Variants in RBFOX1 observed in about 807,000 individuals in gnomAD.
The protein encoded by RBFOX1 is RNA binding fox-1 homolog 1.
Under a neutral mutation model 57.7 loss-of-function variants are expected in RBFOX1, and 8 were observed. The observed-to-expected ratio is 0.14, with a 90% CI of 0.08 to 0.25. The LOEUF is 0.25. RBFOX1 is among the 10% of genes least tolerant of loss of function. The pLI is 1.00. For synonymous variants in RBFOX1, 326 were observed against 222.4 expected (o/e 1.47, Z -4.15); for missense variants, 611 against 548.5 (o/e 1.11, Z -1.14).
intron 3 of RBFOX1, among the ~76,000 whole-genome samples, chr16:6,866,767 C>G (rs542213495): frequency 6.6e-6 from 1 of 152,048 alleles, no homozygotes; most frequent in Admixed American, 6.5e-5. Context: ...TGGTCTCGAT[C>G]TCCTGACCTC....
intron 4 of RBFOX1, among the ~76,000 whole-genome samples, chr16:7,297,856 A>G (rs1027120553): frequency 3.9e-5 from 6 of 151,974 alleles, no homozygotes; most frequent in African/African-American, 2.4e-5. Flanking sequence ...CCCTAGATCT[A>G]AAAGCATTTA....
intron 1 of RBFOX1, among the ~76,000 whole-genome samples, chr16:6,070,769 C>T (rs534235221): frequency 6.6e-6 from 1 of 152,010 alleles, no homozygotes; most frequent in African/African-American, 2.4e-5. Context: ...CCTCTAGTTT[C>T]CCCAAGAAGT....
chr16:6,791,001 G>A (rs1403929421), intron 3 of RBFOX1, among the ~76,000 whole-genome samples: 1 of 151,978 alleles, frequency 6.6e-6, no homozygotes, highest in African/African-American at 2.4e-5. Flanking sequence ...TGGCTCTCAG[G>A]TTCAGGTAAT....
chr16:7,501,996 A>T (rs1361614105), intron 4 of RBFOX1, among the ~76,000 whole-genome samples: 1 of 152,198 alleles, frequency 6.6e-6, no homozygotes, highest in African/African-American at 2.4e-5. Flanking sequence ...CGTGAGTATC[A>T]TGCTCTTGCC....
At chr16:7,453,953 C>G (rs977583931) in intron 4 of RBFOX1, among the ~76,000 whole-genome samples, 2 of 152,212 alleles carry the variant, frequency 1.3e-5, no homozygotes, top group African/African-American at 4.8e-5. Flanking sequence ...CCATAGCCAG[C>G]TGGGCACAAT....
chr16:5,960,776 C>G (rs148190250), intron 4 of RBFOX1, among the ~76,000 whole-genome samples: 1 of 152,272 alleles, frequency 6.6e-6, no homozygotes, highest in Non-Finnish European at 1.5e-5. Flanking sequence ...CCAAACATCC[C>G]TTTGATTTAA....
chr16:6,589,470 G>A (rs2097679674), intron 2 of RBFOX1, among the ~76,000 whole-genome samples: 1 of 152,130 alleles, frequency 6.6e-6, no homozygotes, highest in South Asian at 2.1e-4. Context: ...TCCTCGGTGG[G>A]GTCCACAGAC....
intron 3 of RBFOX1, among the ~76,000 whole-genome samples, chr16:5,844,363 G>A (rs377133827): frequency 5.9e-5 from 9 of 152,276 alleles, no homozygotes; most frequent in African/African-American, 2.2e-4. Context: ...GTTCTAAAAA[G>A]CCCTGGAATA....
chr16:6,848,405 T>G (rs11639716), intron 3 of RBFOX1, among the ~76,000 whole-genome samples: 30,617 of 151,996 alleles, frequency 0.2, 3,878 homozygotes, highest in Admixed American at 0.35. Context: ...TTTATGAAAA[T>G]GCTTTGCATG....
intron 1 of RBFOX1, among the ~76,000 whole-genome samples, chr16:6,305,481 C>A (rs572904398): frequency 6.6e-6 from 1 of 152,022 alleles, no homozygotes; most frequent in South Asian, 2.1e-4. Flanking sequence ...CACATACTCA[C>A]ATGCATATGT....
intron 3 of RBFOX1, among the ~76,000 whole-genome samples, chr16:6,793,183 C>G (rs1039876245): frequency 2.6e-5 from 4 of 152,078 alleles, no homozygotes; most frequent in Non-Finnish European, 5.9e-5. Context: ...TAATATGATC[C>G]TGTTGATCAA....
At chr16:5,441,030 TC>T (rs2068068767) in intron 1 of RBFOX1, among the ~76,000 whole-genome samples, 1 of 152,126 alleles carries the variant, frequency 6.6e-6, no homozygotes, top group South Asian at 2.1e-4. Context: ...AACAAATTGA[TC>T]GTGAAAATGA....
At chr16:5,526,147 C>G (rs1353780470) in intron 2 of RBFOX1, among the ~76,000 whole-genome samples, 3 of 152,158 alleles carry the variant, frequency 2.0e-5, no homozygotes, top group African/African-American at 7.2e-5. Flanking sequence ...TCGAGAGTGA[C>G]TTTGCTTCTC....
intron 2 of RBFOX1, among the ~76,000 whole-genome samples, chr16:6,425,741 A>G (rs564306869): frequency 6.6e-6 from 1 of 152,288 alleles, no homozygotes; most frequent in East Asian, 1.9e-4. Context: ...ACGTTTTGAT[A>G]GAGTTTGCAG....
In RBFOX1 at chr16:7,063,401, A is replaced by T. The variant is rs113486564; in HGVS notation, c.27+11303A>T. On this transcript the variant is annotated intron_variant, in intron 4 of 15. Transcript: ENST00000550418. ...ACTTGTGATGTTACGGGATCATCAC[A>T]TGTCTCTCTGCCAACTTCTTCCTTC... 2.8e-4 allele frequency among the ~76,000 whole-genome samples: 43 copies of T among 152,252 alleles called. 1 individual carries two copies. The highest frequency in any genetic ancestry group is 1.0e-3 in the African/African-American group (42 of 41,550).
chr16:7,029,143 TATATATGTATATATATACAC>T (rs2042021881), intron 3 of RBFOX1, among the ~76,000 whole-genome samples: 1 of 83,152 alleles, frequency 1.2e-5, no homozygotes, highest in Non-Finnish European at 2.3e-5. Flanking sequence ...TATATATGTG[TATATATGTATATATATACAC>T]ATATATATAC....
At chr16:6,530,399 C>A (rs1050611534) in intron 2 of RBFOX1, among the ~76,000 whole-genome samples, 1 of 152,168 alleles carries the variant, frequency 6.6e-6, no homozygotes, top group Non-Finnish European at 1.5e-5. Context: ...AGAGGCTCAC[C>A]TGCAAGATGG....
intron 3 of RBFOX1, among the ~76,000 whole-genome samples, chr16:5,750,737 G>T (rs574190439): frequency 6.6e-6 from 1 of 152,318 alleles, no homozygotes; most frequent in Non-Finnish European, 1.5e-5. Context: ...GGGTGGGAGT[G>T]ACCCAATTTT....
intron 4 of RBFOX1, among the ~76,000 whole-genome samples, chr16:7,350,565 G>C (rs2097110171): frequency 1.3e-5 from 2 of 152,204 alleles, no homozygotes; most frequent in South Asian, 4.1e-4. Flanking sequence ...GAAAGTGGGA[G>C]GAGGATGGAC....
Sources: gnomAD v4.1 joint callset for allele counts (sites outside exome capture counted in the v4.1 genomes callset) on GRCh38, gnomAD v4.1.1 for gene constraint, MANE v1.5 for transcripts, NCBI Gene and HGNC (gene_info 2026-07-23, HGNC 2026-07-21) for gene names.